Variants in DHRSX observed in about 807,000 individuals in gnomAD.
The protein encoded by DHRSX is dehydrogenase/reductase X-linked.
A neutral mutation model predicts 34.0 loss-of-function variants in DHRSX; 31 were observed. The ratio of observed to expected loss-of-function variants is 0.91; its 90% CI spans 0.69 to 1.23. The LOEUF (loss-of-function observed/expected upper bound fraction) is 1.23, where lower values mean the gene tolerates loss of function less well. Among genes scored for constraint, DHRSX ranks in the 50% most tolerant of loss-of-function variants. The probability of loss-of-function intolerance (pLI) is 0.00; values close to 1 mark genes in which losing one functional copy is unlikely to be tolerated. For missense variants in DHRSX, 414 were observed against 428.1 expected, an observed-to-expected ratio of 0.97 and a Z score of 0.29; for synonymous variants, 201 against 183.8, an observed-to-expected ratio of 1.09 and a Z score of -0.76.
chrX:2,346,653 T>C (rs377715398), intron 3 of DHRSX, among the ~76,000 whole-genome samples: 8 of 150,842 alleles, frequency 5.3e-5, no homozygotes, highest in East Asian at 3.9e-4. Context: ...TGGTTTTTTT[T>C]TTGTTGTTGT....
At chrX:2,370,328 T>C (rs1013669380) in intron 3 of DHRSX, among the ~76,000 whole-genome samples, 7 of 151,782 alleles carry the variant, frequency 4.6e-5, no homozygotes, top group Non-Finnish European at 7.4e-5. Flanking sequence ...CCCGCCACCA[T>C]GCCCGGCTAA....
At position 2,429,522 on chromosome X, in the gene DHRSX, G is replaced by A. The variant is rs750734609; in HGVS notation, c.110-4218C>T. On this transcript the variant is annotated intron_variant, in intron 1 of 6. Coordinates refer to ENST00000334651, the MANE Select transcript of DHRSX (RefSeq NM_145177.3). ...CAGTGCAGTGGTGCAATCATGGCTC[G>A]CTGAAGCCTCGACCTCCTGGACTCA... Among the ~76,000 whole-genome samples the A allele has an allele frequency of 5.3e-5, 8 of 151,260 alleles. No homozygotes were observed. The South Asian group carries it at 8.3e-4, about 16-fold the overall frequency.
At chrX:2,303,873 A>G (rs1230138336) in intron 3 of DHRSX, among the ~76,000 whole-genome samples, 1 of 121,344 alleles carries the variant, frequency 8.2e-6, no homozygotes, top group Non-Finnish European at 1.7e-5. Flanking sequence ...GGATGGGTGG[A>G]TGGGTGGATG....
At chrX:2,435,211 C>A (rs972478053) in intron 1 of DHRSX, among the ~76,000 whole-genome samples, 2 of 151,946 alleles carry the variant, frequency 1.3e-5, no homozygotes, top group Admixed American at 6.6e-5. Flanking sequence ...CTGTGTGTTG[C>A]GGACAATGCT....
At chrX:2,371,129 G>T (rs181530873) in intron 3 of DHRSX, among the ~76,000 whole-genome samples, 84 of 149,970 alleles carry the variant, frequency 5.6e-4, no homozygotes, top group East Asian at 1.4e-3. Flanking sequence ...ATCCCTCCCC[G>T]CCATTACCAT....
intron 1 of DHRSX, among the ~76,000 whole-genome samples, chrX:2,467,722 C>A (rs1382948586): frequency 6.6e-6 from 1 of 152,094 alleles, no homozygotes; most frequent in Non-Finnish European, 1.5e-5. Flanking sequence ...CACCTGTAAT[C>A]CCAGCACTTT....
At chrX:2,347,499 G>C (rs1382803795) in intron 3 of DHRSX, among the ~76,000 whole-genome samples, 1 of 152,198 alleles carries the variant, frequency 6.6e-6, no homozygotes, top group Non-Finnish European at 1.5e-5. Context: ...TTCAAGACCA[G>C]CTTGGCCAAT....
chrX:2,246,642 CAGAAAGAG>C (rs2016289711), intron 5 of DHRSX, among the ~76,000 whole-genome samples: 1 of 84,218 alleles, frequency 1.2e-5, no homozygotes. Context: ...GAAAGAAAGA[CAGAAAGAG>C]AGAAAGAAAG....
At chrX:2,493,239 C>A (rs2045201876) in intron 1 of DHRSX, among the ~76,000 whole-genome samples, 1 of 152,184 alleles carries the variant, frequency 6.6e-6, no homozygotes, top group Admixed American at 6.5e-5. Flanking sequence ...ATTACACAGT[C>A]AACGGAGGGG....
chrX:2,454,903 C>T (rs778515582), intron 1 of DHRSX, among the ~76,000 whole-genome samples: 3 of 151,682 alleles, frequency 2.0e-5, no homozygotes, highest in East Asian at 3.9e-4. Flanking sequence ...ACCTGAGGTC[C>T]GGAGTTCAAG....
intron 3 of DHRSX, among the ~76,000 whole-genome samples, chrX:2,372,775 A>G: frequency 6.6e-6 from 1 of 151,754 alleles, no homozygotes; most frequent in East Asian, 2.0e-4. Context: ...TGCCCGGCTA[A>G]TTTTTTGTAT....
chrX:2,485,639 G>C (rs1196867360), intron 1 of DHRSX, among the ~76,000 whole-genome samples: 1 of 92,088 alleles, frequency 1.1e-5, no homozygotes, highest in Non-Finnish European at 2.1e-5. Context: ...AGGGAGGAGA[G>C]GGAAGGAGGG....
chrX:2,330,491 A>T (rs2042452684), intron 3 of DHRSX, among the ~76,000 whole-genome samples: 1 of 143,082 alleles, frequency 7.0e-6, no homozygotes, highest in Admixed American at 7.2e-5. Flanking sequence ...ACGGCACTCC[A>T]GCCTGGCAAC....
At position 2,220,762 on chromosome X, in the gene DHRSX, T is replaced by C. The variant is rs2015502815; in HGVS notation, c.*279A>G. On this transcript the variant is annotated 3_prime_UTR_variant, in exon 7 of 7. Transcript: ENST00000334651. ...AACGCGGCAAGGAAAATGGCACATTTATGTTGGAAAATGTAATTATTTATG... is the reference window on the plus strand; with the variant it reads ...AACGCGGCAAGGAAAATGGCACATTCATGTTGGAAAATGTAATTATTTATG... The C allele has an allele frequency of 2.2e-6, 1 of 447,624 alleles. No individual in the cohort carries two copies. Among genetic ancestry groups the C allele is most frequent in the Non-Finnish European group, 3.9e-6 (1 of 253,446 alleles). 27.7% of individuals were successfully genotyped at this position (447,624 alleles called of 1,614,324 possible). A position where few individuals can be genotyped will look rare whatever the true frequency, so the allele number is the denominator to read the frequency against.
At chrX:2,428,101 A>G (rs2043871835) in intron 1 of DHRSX, among the ~76,000 whole-genome samples, 1 of 152,176 alleles carries the variant, frequency 6.6e-6, no homozygotes, top group East Asian at 1.9e-4. Context: ...TCGAGGACTC[A>G]GAAGTCTCAC....
rs530807129 is a variant in DHRSX at position 2,270,331 on chromosome X, C to G, written c.389-3384G>C. On this transcript the variant is annotated intron_variant, in intron 4 of 6. Transcript: ENST00000334651. ...TGGCCTTATCGACCCAACTTTGGAA[C>G]TCCTACAGAGTTGTCACCACTGCCC... Among the ~76,000 whole-genome samples, 72 of 152,272 alleles carry G rather than the reference C, an allele frequency of 4.7e-4. 3 individuals carry two copies. The East Asian group carries it at 5.6e-3, about 12-fold the overall frequency.
At position 2,220,364 on chromosome X, in the gene DHRSX, G is replaced by C. The variant is rs1220861271; in HGVS notation, c.*677C>G. 1 of 152,154 alleles carries C rather than the reference G, an allele frequency of 6.6e-6. No homozygotes were observed. The highest frequency in any genetic ancestry group is 1.5e-5 in the Non-Finnish European group (1 of 68,050). 9.4% of individuals were successfully genotyped at this position (152,154 alleles called of 1,614,324 possible). On this transcript the variant is annotated 3_prime_UTR_variant, in exon 7 of 7. Coordinates refer to ENST00000334651, the MANE Select transcript of DHRSX (RefSeq NM_145177.3). ...CTGCAAAGATTCTTTTCCAAATAAA[G>C]TAATATTTATAGGTTCTGAGGGTTA...
At chrX:2,334,469 T>G (rs1489804003) in intron 3 of DHRSX, 4 of 152,060 alleles carry the variant, frequency 2.6e-5, no homozygotes, top group Non-Finnish European at 5.9e-5. Flanking sequence ...TTTCTTTCTT[T>G]AAGAGATAAG....
intron 4 of DHRSX, among the ~76,000 whole-genome samples, chrX:2,269,195 C>G (rs2041515811): frequency 6.6e-6 from 1 of 152,082 alleles, no homozygotes; most frequent in African/African-American, 2.4e-5. Flanking sequence ...ATATGTATAT[C>G]TGCATGTGTA....
Sources: allele counts gnomAD v4.1 joint callset (sites outside exome capture counted in the v4.1 genomes callset), GRCh38; gene constraint gnomAD v4.1.1; transcripts MANE v1.5; gene names NCBI Gene and HGNC (gene_info 2026-07-23, HGNC 2026-07-21).